The following ZNF660 variants were observed in gnomAD, a reference collection of about 807,000 sequenced individuals.
The protein encoded by ZNF660 is zinc finger protein 660.
ZNF660 carries 24 observed loss-of-function variants against 23.2 expected under a neutral mutation model. The observed-to-expected ratio is 1.04, with a 90% CI of 0.75 to 1.46. The LOEUF is 1.46. Among genes scored for constraint, ZNF660 ranks in the 40% most tolerant of loss-of-function variants. The pLI is 0.00. For missense variants in ZNF660, 373 were observed against 396.8 expected (o/e 0.94, Z 0.51); for synonymous variants, 117 against 131.4 (o/e 0.89, Z 0.75).
chr3:44,594,379 T>C lies in ZNF660; in HGVS notation c.186T>C (p.Ser62=). The change falls in exon 3 of 3, where the codon AGT becomes AGC. Residue 62 remains serine, a synonymous_variant. Coordinates refer to ENST00000322734, the MANE Select transcript of ZNF660 (RefSeq NM_173658.4). The part of the protein sequence containing the change: ...CTECGKAFSQ[S]ANLTVHERIH... ...AGTGTGGGAAAGCCTTTAGTCAGAG[T>C]GCAAACCTCACAGTACATGAGCGAA... is the stretch of plus-strand genomic sequence containing the variant. 3.1e-6 allele frequency: 5 copies of C among 1,613,934 alleles called. No homozygotes were observed. Among genetic ancestry groups the C allele is most frequent in the Non-Finnish European group, 2.5e-6 (3 of 1,179,968 alleles).
Position 44,594,347 on chromosome 3 carries a change from T to C in ZNF660, c.154T>C (p.Cys52Arg), listed in dbSNP as rs145586741. The C allele has an allele frequency of 6.2e-7, 1 of 1,614,242 alleles. No homozygotes were observed. Among genetic ancestry groups the C allele is most frequent in the Non-Finnish European group, 8.5e-7 (1 of 1,180,052 alleles). Residue 52 changes from cysteine to arginine, a missense_variant, in exon 3 of 3, where the codon TGT becomes CGT. Transcript: ENST00000322734. ...TCAGGCTGAAAAGAGACAGTATGTA[T>C]GTACTGAGTGTGGGAAAGCCTTTAG... ...RVQAEKRQYV[C>R]TECGKAFSQS... is the part of the protein sequence containing the mutation.
At chr3:44,591,399 G>A (rs1700419939) in intron 2 of ZNF660, among the ~76,000 whole-genome samples, 1 of 152,258 alleles carries the variant, frequency 6.6e-6, no homozygotes, top group Non-Finnish European at 1.5e-5. Flanking sequence ...AAAGTGCTGA[G>A]ATTATAGACA....
At chr3:44,586,708 G>C (rs1035002130) in intron 2 of ZNF660, 1 of 152,230 alleles carries the variant, frequency 6.6e-6, no homozygotes, top group Non-Finnish European at 1.5e-5. Flanking sequence ...GAGGAGGGAT[G>C]GTAGTAGTGA....
chr3:44,587,643 G>C (rs1700269206), intron 2 of ZNF660, among the ~76,000 whole-genome samples: 1 of 152,148 alleles, frequency 6.6e-6, no homozygotes, highest in Non-Finnish European at 1.5e-5. Flanking sequence ...TCTCCTGTCT[G>C]GTCCTGCTTC....
chr3:44,593,657 G>A (rs535886754), intron 2 of ZNF660, among the ~76,000 whole-genome samples: 1 of 149,040 alleles, frequency 6.7e-6, no homozygotes, highest in South Asian at 2.2e-4. Context: ...GGAGGTTGCA[G>A]TGAGTCAAGA....
At chr3:44,592,299 ATAAAT>A (rs1214880421) in intron 2 of ZNF660, among the ~76,000 whole-genome samples, 1 of 152,248 alleles carries the variant, frequency 6.6e-6, no homozygotes, top group Non-Finnish European at 1.5e-5. Context: ...CAACTAAAAA[ATAAAT>A]GAAATGAACT....
chr3:44,594,324 A>C lies in ZNF660; in HGVS notation c.131A>C (p.Gln44Pro). ...CCDPATNERV[Q>P]AEKRQYVCTE... ...GACCCTGCAACAAATGAGAGAGTTC[A>C]GGCTGAAAAGAGACAGTATGTATGT... The change falls in exon 3 of 3, where the codon CAG becomes CCG. Residue 44 changes from glutamine (Q) to proline (P), a missense_variant. Physicochemically the swap from Gln to Pro is moderately conservative, Grantham distance 76. Coordinates refer to ENST00000322734, the MANE Select transcript of ZNF660 (RefSeq NM_173658.4). The C allele has an allele frequency of 6.2e-7, 1 of 1,614,218 alleles. No individual in the cohort carries two copies. Among genetic ancestry groups the C allele is most frequent in the East Asian group, 2.2e-5 (1 of 44,888 alleles).
At chr3:44,585,789 AT>A (rs1408530397) in intron 1 of ZNF660, among the ~76,000 whole-genome samples, 1 of 152,140 alleles carries the variant, frequency 6.6e-6, no homozygotes, top group African/African-American at 2.4e-5. Context: ...TCTCCACTGC[AT>A]TGTATTTTGC....
At chr3:44,593,316 G>A (rs1700494343) in intron 2 of ZNF660, among the ~76,000 whole-genome samples, 1 of 152,140 alleles carries the variant, frequency 6.6e-6, no homozygotes, top group South Asian at 2.1e-4. Context: ...TAGTACTAGG[G>A]GAATAGGTTA....
intron 2 of ZNF660, among the ~76,000 whole-genome samples, 191 bp from the exon 3 acceptor site, chr3:44,593,823 A>C (rs1158863429): frequency 6.6e-6 from 1 of 152,106 alleles, no homozygotes; most frequent in Non-Finnish European, 1.5e-5. Flanking sequence ...GGCTCCCCTT[A>C]GCCCCTGGCT....
chr3:44,594,750 G>GA lies in ZNF660; in HGVS notation c.564dup (p.Val189SerfsTer5). On this transcript the variant is annotated frameshift_variant, in exon 3 of 3. Transcript: ENST00000322734. LOFTEE classifies it high-confidence loss of function. ...ACTCAACATCAGCGAATGCACAGAG[G>GA]AAAAAAAGTTTACAAATGTAAGGAG... The GA allele has an allele frequency of 6.2e-7, 1 of 1,613,746 alleles. No individual in the cohort carries two copies. The highest frequency in any genetic ancestry group is 1.1e-5 in the South Asian group (1 of 91,062).
In ZNF660 at chr3:44,599,516, CT is replaced by C. The variant is rs1348946288; in HGVS notation, c.*4329del. On this transcript the variant is annotated 3_prime_UTR_variant, in exon 3 of 3. Coordinates refer to ENST00000322734, the MANE Select transcript of ZNF660 (RefSeq NM_173658.4). ...TTGCAGCTCTGTACCCTCAGCAGGA[CT>C]TCCTTTCTTGATTGTTTTTTCCATT... The C allele has an allele frequency of 6.6e-6, 1 of 152,104 alleles. No homozygotes were observed. Among genetic ancestry groups the C allele is most frequent in the Non-Finnish European group, 1.5e-5 (1 of 68,022 alleles). 9.4% of individuals were successfully genotyped at this position (152,104 alleles called of 1,614,324 possible). A position where few individuals can be genotyped will look rare whatever the true frequency, so the allele number is the denominator to read the frequency against.
intron 2 of ZNF660, among the ~76,000 whole-genome samples, chr3:44,589,052 A>C (rs755113231): frequency 2.6e-5 from 4 of 152,112 alleles, no homozygotes; most frequent in African/African-American, 4.8e-5. Context: ...CTGTTCTCTC[A>C]TCTTGGATTA....
Position 44,593,441 on chromosome 3 carries a change from C to T in ZNF660, c.-180-573C>T, listed in dbSNP as rs182482585. Among the ~76,000 whole-genome samples, 537 of 152,142 alleles carry T rather than the reference C, an allele frequency of 3.5e-3. 6 individuals carry two copies. Among genetic ancestry groups the T allele is most frequent in the Admixed American group, 4.5e-3 (68 of 15,276 alleles). ...GAGTTAGATGGCTCTGAGCTGGGTG[C>T]GGTGGCTCATGCCTATAATCCCAGC... On this transcript the variant is annotated intron_variant, in intron 2 of 2. Coordinates refer to ENST00000322734, the MANE Select transcript of ZNF660 (RefSeq NM_173658.4).
chr3:44,586,613 C>G (rs1200253675), intron 2 of ZNF660: 1 of 152,146 alleles, frequency 6.6e-6, no homozygotes, highest in African/African-American at 2.4e-5. Context: ...TGGGATGACT[C>G]TGTTGAGACA....
rs1330588952 is a variant in ZNF660, at chr3:44,597,845, G to A, written c.*2656G>A. The A allele has an allele frequency of 6.6e-6, 1 of 152,212 alleles. No homozygotes were observed. The highest frequency in any genetic ancestry group is 1.5e-5 in the Non-Finnish European group (1 of 68,034). The allele number at this position is 152,212 out of a possible 1,614,324, so 9.4% of individuals were successfully genotyped here. ...TTCATATTTCTTGCCCCAGGCAGGC[G>A]AGGATTATAGTCTCTTGAGGAGGCC... On this transcript the variant is annotated 3_prime_UTR_variant, in exon 3 of 3. Transcript: ENST00000322734. The surrounding 1 kb of genome is among the most constrained non-coding windows in gnomAD (Gnocchi z 4.1).
At chr3:44,591,207 C>A (rs1194574480) in intron 2 of ZNF660, among the ~76,000 whole-genome samples, 3 of 152,160 alleles carry the variant, frequency 2.0e-5, no homozygotes, top group Admixed American at 1.3e-4. Flanking sequence ...GGGCTCACTG[C>A]AGCCTGGACC....
At position 44,594,998 on chromosome 3, in the gene ZNF660, A is replaced by C. The variant is rs1559444239; in HGVS notation, c.805A>C (p.Thr269Pro). Reference protein sequence around the residue: ...RNLVDHQRVHTGEKPYKCNEC... With the variant: ...RNLVDHQRVHPGEKPYKCNEC... ...CCTTGTTGATCATCAGAGAGTTCAC[A>C]CTGGAGAGAAACCCTATAAATGTAA... is the stretch of plus-strand genomic sequence containing the variant. Residue 269 changes from threonine (T) to proline (P), a missense_variant, in exon 3 of 3, where the codon ACT becomes CCT. Transcript: ENST00000322734. 6.2e-7 allele frequency: 1 copy of C among 1,614,058 alleles called. No homozygotes were observed. The highest frequency in any genetic ancestry group is 1.1e-5 in the South Asian group (1 of 91,072).
intron 2 of ZNF660, among the ~76,000 whole-genome samples, chr3:44,592,493 C>G (rs908973176): frequency 6.6e-6 from 1 of 152,292 alleles, no homozygotes; most frequent in Non-Finnish European, 1.5e-5. Context: ...CAGAGTTTCA[C>G]GTCAAACCAG....
Sources: allele counts gnomAD v4.1 joint callset (sites outside exome capture counted in the v4.1 genomes callset), GRCh38; gene constraint gnomAD v4.1.1; non-coding constraint Gnocchi (gnomAD v3.1); transcripts MANE v1.5; gene names NCBI Gene and HGNC (gene_info 2026-07-23, HGNC 2026-07-21).